The following FAT2 variants were observed in gnomAD, a reference collection of about 807,000 sequenced individuals.
FAT2 encodes the protein protocadherin Fat 2.
A neutral mutation model predicts 295.3 loss-of-function variants in FAT2; 150 were observed. The ratio of observed to expected loss-of-function variants is 0.51; its 90% CI spans 0.44 to 0.58. The LOEUF is 0.58. Among genes scored for constraint, FAT2 ranks in the 20% least tolerant of loss-of-function variants. The pLI is 0.00. For missense variants in FAT2, 4,868 were observed against 5,442.7 expected (o/e 0.89, Z 3.32); for synonymous variants, 2,026 against 2,150.3 (o/e 0.94, Z 1.60).
chr5:151,554,700 C>A (rs2127631942), intron 4 of FAT2, 27 bp from the exon 5 acceptor site: 2 of 1,575,666 alleles, frequency 1.3e-6, no homozygotes, highest in Non-Finnish European at 1.7e-6. Context: ...GCATGAGCAC[C>A]TGAGCTGACA....
intron 14 of FAT2, 29 bp from the exon 15 acceptor site, chr5:151,529,421 T>A (rs1367218308): frequency 6.2e-7 from 1 of 1,603,640 alleles, no homozygotes; most frequent in African/African-American, 1.3e-5. Flanking sequence ...ACAGCAGCAA[T>A]GAGGCAGTTG....
rs757022471 is a variant in FAT2, at chr5:151,510,183, A to G, written c.11906-9T>C. On this transcript the variant is annotated splice_polypyrimidine_tract_variant and intron_variant, in intron 21 of 23. Coordinates refer to ENST00000261800, the MANE Select transcript of FAT2 (RefSeq NM_001447.3). ...ACATTTGCAGACATAGCCTAGGAGA[A>G]AAAGAAGGGAGGTGAGAGACCGCAC... 6.2e-6 allele frequency: 10 copies of G among 1,613,742 alleles called. No homozygotes were observed. The highest frequency in any genetic ancestry group is 2.7e-5 in the African/African-American group (2 of 74,930).
intron 1 of FAT2, among the ~76,000 whole-genome samples, chr5:151,588,885 C>T (rs1759289527): frequency 6.6e-6 from 1 of 152,184 alleles, no homozygotes; most frequent in Non-Finnish European, 1.5e-5. Flanking sequence ...TTTCTCACAT[C>T]AATTCTCTGA....
chr5:151,563,146 CT>C (rs1758093588), intron 3 of FAT2, among the ~76,000 whole-genome samples, 178 bp downstream of exon 3: 2 of 152,216 alleles, frequency 1.3e-5, no homozygotes, highest in South Asian at 4.1e-4. Flanking sequence ...ACCTGCATGT[CT>C]TGTGAAAACA....
chr5:151,565,657 A>ACCC lies in FAT2; in HGVS notation c.3259+13_3259+15dup. 9.6e-7 allele frequency: 1 copy of ACCC among 1,038,302 alleles called. No individual in the cohort carries two copies. The highest frequency in any genetic ancestry group is 3.5e-5 in the East Asian group (1 of 28,358). 64.3% of individuals were successfully genotyped at this position (1,038,302 alleles called of 1,614,324 possible). A position where few individuals can be genotyped will look rare whatever the true frequency, so the allele number is the denominator to read the frequency against. On this transcript the variant is annotated intron_variant, in intron 2 of 23. Transcript: ENST00000261800. The stretch of plus-strand genomic sequence containing the variant: ...ACCTCTGGCCCTGGCACCCCACCCT[A>ACCC]CCCCACCCCCAGTACCTGTATCTTG...
rs757834234 is a variant in FAT2, at chr5:151,544,671, G to C, written c.6456C>G (p.Ser2152=). ...KVIARDGGTP[S]LQSEEEVLVT... is the part of the protein sequence containing the mutation. ...CAAGTACCTCTTCCTCACTCTGGAG[G>C]GATGGCGTTCCTCCATCCCGAGCAA... Residue 2152 remains serine (S), a synonymous_variant, in exon 10 of 24, where the codon TCC becomes TCG. Transcript: ENST00000261800. 6.2e-7 allele frequency: 1 copy of C among 1,614,080 alleles called. No individual in the cohort carries two copies. The highest frequency in any genetic ancestry group is 8.5e-7 in the Non-Finnish European group (1 of 1,180,004).
rs776514893 is a variant in FAT2, at chr5:151,566,806, T to C, written c.2126A>G (p.His709Arg). Reference protein sequence around the residue: ...FTSLSTYQINHYTPQFEDHFP... With the variant: ...FTSLSTYQINRYTPQFEDHFP... ...GTGGTCCTCAAACTGTGGGGTGTAA[T>C]GATTAATCTGATATGTGCTTAAAGA... Residue 709 changes from histidine to arginine, a missense_variant, in exon 2 of 24, where the codon CAT becomes CGT. By Grantham distance (29) the His-to-Arg change is conservative. This residue lies in a region of FAT2 where 3,297 missense variants were observed against 3,669.4 expected (regional missense o/e 0.90). Coordinates refer to ENST00000261800, the MANE Select transcript of FAT2 (RefSeq NM_001447.3). 1 of 1,614,188 alleles carries C rather than the reference T, an allele frequency of 6.2e-7. No homozygotes were observed. Among genetic ancestry groups the C allele is most frequent in the South Asian group, 1.1e-5 (1 of 91,080 alleles).
chr5:151,540,529 G>T (rs758285683), intron 11 of FAT2, 38 bp downstream of exon 11: 1 of 1,539,858 alleles, frequency 6.5e-7, no homozygotes, highest in Non-Finnish European at 8.9e-7. Flanking sequence ...TATCTTCCTT[G>T]CCTTCACTAC....
chr5:151,529,560 TC>T (rs1426752917), intron 14 of FAT2, among the ~76,000 whole-genome samples, 168 bp from the exon 15 acceptor site: 1 of 148,986 alleles, frequency 6.7e-6, no homozygotes, highest in Admixed American at 6.8e-5. Context: ...TTGACCCCCT[TC>T]CCCATCATCT....
At chr5:151,556,117 A>C (rs1757672330) in intron 4 of FAT2, among the ~76,000 whole-genome samples, 1 of 152,186 alleles carries the variant, frequency 6.6e-6, no homozygotes, top group Non-Finnish European at 1.5e-5. Flanking sequence ...AGGCATCACT[A>C]ATCAATCAAT....
At chr5:151,588,981 T>C (rs139539418) in intron 1 of FAT2, among the ~76,000 whole-genome samples, 61 of 152,310 alleles carry the variant, frequency 4.0e-4, no homozygotes, top group Non-Finnish European at 6.0e-4. Context: ...TGGCTAATAA[T>C]ATCCGGGAGT....
chr5:151,545,087 T>C lies in FAT2; in HGVS notation c.6040A>G (p.Met2014Val), dbSNP rs544760906. The C allele has an allele frequency of 9.9e-6, 16 of 1,614,134 alleles. No individual in the cohort carries two copies. Among genetic ancestry groups the C allele is most frequent in the Middle Eastern group, 3.3e-4 (2 of 6,062 alleles). ...FLLNGTDMFH[M>V]VQSAGVLQTR... ...TGCAACACACCTGCTGACTGGACCA[T>C]ATGAAACATATCTGTGCCATTCAAG... The change falls in exon 10 of 24, where the codon ATG becomes GTG. Residue 2014 changes from methionine (M) to valine (V), a missense_variant. Physicochemically the swap from Met to Val is conservative, Grantham distance 21. Around this residue, in one of 5 missense-constraint regions of FAT2, gnomAD observed 3,297 missense variants for 3,669.4 expected, o/e 0.90. Coordinates refer to ENST00000261800, the MANE Select transcript of FAT2 (RefSeq NM_001447.3).
rs1202443902 is a variant in FAT2, at chr5:151,543,068, A to G, written c.8059T>C (p.Ser2687Pro). The change falls in exon 10 of 24, where the codon TCC becomes CCC. Residue 2687 changes from serine (S) to proline (P), a missense_variant. By Grantham distance (74) the Ser-to-Pro change is moderately conservative. Around this residue, in one of 5 missense-constraint regions of FAT2, gnomAD observed 3,297 missense variants for 3,669.4 expected, o/e 0.90. Coordinates refer to ENST00000261800, the MANE Select transcript of FAT2 (RefSeq NM_001447.3). ...AAAGGTTCAGAAAATTTCGGTAAGG[A>G]TACTTTTTTAGGAACCACCTGAAGT... ...VRLQVVPKKVSLPKFSEPLYT... is the reference protein window; with the variant it reads ...VRLQVVPKKVPLPKFSEPLYT... The G allele has an allele frequency of 6.2e-7, 1 of 1,614,146 alleles. No individual in the cohort carries two copies. The highest frequency in any genetic ancestry group is 1.7e-5 in the Admixed American group (1 of 60,018).
At chr5:151,558,259 A>C (rs1757868347) in intron 3 of FAT2, among the ~76,000 whole-genome samples, 1 of 152,244 alleles carries the variant, frequency 6.6e-6, no homozygotes, top group Non-Finnish European at 1.5e-5. Context: ...AATCTTAAGC[A>C]ACTATTCAAA....
At chr5:151,536,231 C>T (rs1056317900) in intron 12 of FAT2, among the ~76,000 whole-genome samples, 14 of 150,492 alleles carry the variant, frequency 9.3e-5, no homozygotes, top group Non-Finnish European at 7.4e-5. Flanking sequence ...GAAAAAAAAA[C>T]GCCATTTTTT....
chr5:151,525,001 C>A (rs1753842352), intron 18 of FAT2, among the ~76,000 whole-genome samples: 1 of 152,224 alleles, frequency 6.6e-6, no homozygotes, highest in South Asian at 2.1e-4. Context: ...TCCATGATTA[C>A]AATGGAAAGC....
In FAT2 at chr5:151,544,708, T is replaced by C. The variant is rs770844254; in HGVS notation, c.6419A>G (p.His2140Arg). ...TCCATCCCGAGCAATGACTTTGAGG[T>C]GATATTTATTTAAAGCTTGATAATC... ...PFDYQALNKY[H>R]LKVIARDGGT... Residue 2140 changes from histidine (H) to arginine (R), a missense_variant, in exon 10 of 24, where the codon CAC becomes CGC. Around this residue, in one of 5 missense-constraint regions of FAT2, gnomAD observed 3,297 missense variants for 3,669.4 expected, o/e 0.90. Coordinates refer to ENST00000261800, the MANE Select transcript of FAT2 (RefSeq NM_001447.3). 13 of 1,614,010 alleles carry C rather than the reference T, an allele frequency of 8.1e-6. No individual in the cohort carries two copies. Among genetic ancestry groups the C allele is most frequent in the African/African-American group, 1.3e-5 (1 of 74,894 alleles).
At chr5:151,549,977 A>C (rs946307633) in intron 8 of FAT2, among the ~76,000 whole-genome samples, 2 of 152,210 alleles carry the variant, frequency 1.3e-5, no homozygotes, top group African/African-American at 4.8e-5. Flanking sequence ...GATCTTTAAG[A>C]CAGGAGGCCA....
intron 17 of FAT2, 98 bp from the exon 18 acceptor site, chr5:151,526,063 A>G: frequency 8.8e-7 from 1 of 1,131,714 alleles, no homozygotes; most frequent in Non-Finnish European, 1.3e-6. Flanking sequence ...AGTCCTCAGC[A>G]CTCTGACTGC....
Sources: gnomAD v4.1 joint callset for allele counts (sites outside exome capture counted in the v4.1 genomes callset) on GRCh38, gnomAD v4.1.1 for gene constraint, gnomAD v4.1.1 regional missense constraint, MANE v1.5 for transcripts, NCBI Gene and HGNC (gene_info 2026-07-23, HGNC 2026-07-21) for gene names.